The following HSD17B3 variants were observed in gnomAD, a reference collection of about 807,000 sequenced individuals.
HSD17B3 encodes 17-beta-hydroxysteroid dehydrogenase type 3.
A neutral mutation model predicts 41.1 loss-of-function variants in HSD17B3; 29 were observed. The ratio of observed to expected loss-of-function variants is 0.71; its 90% CI spans 0.53 to 0.96. The LOEUF is 0.96. HSD17B3 is among the 40% of genes least tolerant of loss of function. HSD17B3 has a pLI of 0.00. For missense variants in HSD17B3, 323 were observed against 374.6 expected, an observed-to-expected ratio of 0.86 and a Z score of 1.14; for synonymous variants, 126 against 145.6, an observed-to-expected ratio of 0.87 and a Z score of 0.97.
At chr9:96,279,729 T>C (rs896141635) in intron 2 of HSD17B3, among the ~76,000 whole-genome samples, 1 of 152,060 alleles carries the variant, frequency 6.6e-6, no homozygotes, top group South Asian at 2.1e-4. Flanking sequence ...GGGCCTGCTG[T>C]CTGTGATGTT....
chr9:96,291,689 G>T lies in HSD17B3; in HGVS notation c.201+6727C>A, dbSNP rs187369158. On this transcript the variant is annotated intron_variant, in intron 2 of 10. Transcript: ENST00000375263. ...ATGCTTCAGTAGGCTGGGTGATGTGGCTCATGCCTGTAATCCCAGCACTTT... is the reference window on the plus strand; with the variant it reads ...ATGCTTCAGTAGGCTGGGTGATGTGTCTCATGCCTGTAATCCCAGCACTTT... Among the ~76,000 whole-genome samples, 452 of 152,320 alleles carry T rather than the reference G, an allele frequency of 3.0e-3. 1 individual carries two copies. Among genetic ancestry groups the T allele is most frequent in the African/African-American group, 0.01 (433 of 41,572 alleles).
Position 96,252,921 on chromosome 9 carries a change from G to A in HSD17B3, c.278-11C>T. ...TCCCTGTAGTCCGCTCTACACGAGA[G>A]ACAACAGTTTTTTTAATGAACAGGG... On this transcript the variant is annotated splice_polypyrimidine_tract_variant and intron_variant, in intron 3 of 10. Coordinates refer to ENST00000375263, the MANE Select transcript of HSD17B3 (RefSeq NM_000197.2). 1 of 1,563,722 alleles carries A rather than the reference G, an allele frequency of 6.4e-7. No individual in the cohort carries two copies. The highest frequency in any genetic ancestry group is 8.8e-7 in the Non-Finnish European group (1 of 1,134,396).
intron 2 of HSD17B3, among the ~76,000 whole-genome samples, chr9:96,292,962 G>GA (rs1827210151): frequency 2.6e-5 from 4 of 152,170 alleles, no homozygotes; most frequent in Admixed American, 2.0e-4. Flanking sequence ...GAATGAAGGG[G>GA]AAATGAAGCC....
At chr9:96,251,227 C>T (rs376652243) in intron 5 of HSD17B3, 191 bp downstream of exon 5, 4 of 606,186 alleles carry the variant, frequency 6.6e-6, no homozygotes, top group South Asian at 2.0e-5. Flanking sequence ...CTAGAGATAT[C>T]GTGAAAAGTG....
At chr9:96,301,345 G>GTAA (rs1827593090) in intron 1 of HSD17B3, among the ~76,000 whole-genome samples, 1 of 148,846 alleles carries the variant, frequency 6.7e-6, no homozygotes, top group Admixed American at 6.7e-5. Context: ...TGGGGAGGCC[G>GTAA]AGTCGGGTGA....
At chr9:96,238,288 A>G (rs539530843) in intron 10 of HSD17B3, among the ~76,000 whole-genome samples, 11 of 152,290 alleles carry the variant, frequency 7.2e-5, no homozygotes, top group African/African-American at 2.4e-4. Flanking sequence ...GACTAAGGTC[A>G]CAGTGTCCTC....
intron 2 of HSD17B3, among the ~76,000 whole-genome samples, chr9:96,284,215 T>TAAAA (rs569621446): frequency 0.17 from 16,465 of 99,706 alleles, 1,489 homozygotes; most frequent in Non-Finnish European, 0.24. Context: ...GACTCCATCT[T>TAAAA]AAAAAAAAAA....
intron 2 of HSD17B3, among the ~76,000 whole-genome samples, chr9:96,262,312 C>T (rs1400911647): frequency 7.7e-6 from 1 of 130,440 alleles, no homozygotes; most frequent in African/African-American, 2.9e-5. Flanking sequence ...GGCACAATCT[C>T]GGCTCACTGC....
chr9:96,245,470 C>T (rs755090705), intron 7 of HSD17B3, 44 bp from the exon 8 acceptor site: 2 of 1,449,636 alleles, frequency 1.4e-6, no homozygotes, highest in South Asian at 1.1e-5. Context: ...TGTTGCCCTA[C>T]CTGACCTTGA....
intron 2 of HSD17B3, among the ~76,000 whole-genome samples, chr9:96,282,397 A>T (rs1826734006): frequency 6.6e-6 from 1 of 152,242 alleles, no homozygotes; most frequent in South Asian, 2.1e-4. Context: ...AGATAGTTTT[A>T]AAAATATTGG....
intron 2 of HSD17B3, among the ~76,000 whole-genome samples, chr9:96,292,063 T>C (rs994115744): frequency 2.0e-5 from 3 of 151,584 alleles, no homozygotes; most frequent in Non-Finnish European, 4.4e-5. Context: ...AAGAACCACA[T>C]GAAAATACTT....
intron 1 of HSD17B3, 124 bp from the exon 2 acceptor site, chr9:96,298,586 G>C (rs1827452606): frequency 1.2e-6 from 1 of 818,932 alleles, no homozygotes; most frequent in East Asian, 2.4e-5. Context: ...TCATCCCTTT[G>C]CTCTCCAGCC....
intron 2 of HSD17B3, among the ~76,000 whole-genome samples, chr9:96,263,961 A>G (rs1356809354): frequency 6.6e-6 from 1 of 152,142 alleles, no homozygotes; most frequent in Non-Finnish European, 1.5e-5. Context: ...AATGTTTCAT[A>G]TTCTTTAAAA....
intron 2 of HSD17B3, among the ~76,000 whole-genome samples, chr9:96,292,992 C>T (rs1303971531): frequency 6.6e-6 from 1 of 152,046 alleles, no homozygotes; most frequent in African/African-American, 2.4e-5. Flanking sequence ...TGAAGAAAAA[C>T]TAAGATAATT....
At chr9:96,282,183 G>C (rs191071067) in intron 2 of HSD17B3, among the ~76,000 whole-genome samples, 2 of 152,210 alleles carry the variant, frequency 1.3e-5, no homozygotes, top group Admixed American at 1.3e-4. Context: ...CAGAATGGTG[G>C]CCTGGGTTCA....
intron 2 of HSD17B3, among the ~76,000 whole-genome samples, chr9:96,282,256 C>T (rs558853039): frequency 5.3e-5 from 8 of 151,804 alleles, no homozygotes; most frequent in East Asian, 3.9e-4. Context: ...ATATATGTTG[C>T]ATATGTGATA....
intron 2 of HSD17B3, among the ~76,000 whole-genome samples, chr9:96,268,713 C>G (rs1251180978): frequency 6.6e-6 from 1 of 152,130 alleles, no homozygotes. Context: ...CTTTGGGAAG[C>G]CGAGGTGGGC....
At chr9:96,262,229 C>CTTTTTTTTTT (rs71368240) in intron 2 of HSD17B3, among the ~76,000 whole-genome samples, 2 of 54,202 alleles carry the variant, frequency 3.7e-5, no homozygotes, top group African/African-American at 8.0e-5. Flanking sequence ...ATGTCAATTG[C>CTTTTTTTTTT]TTTTTTTTTT....
chr9:96,240,661 A>C (rs1836402269), intron 10 of HSD17B3, 97 bp downstream of exon 10: 1 of 1,222,824 alleles, frequency 8.2e-7, no homozygotes. Flanking sequence ...CGCATCAATG[A>C]GTGCTCCAGC....
Sources: allele counts gnomAD v4.1 joint callset (sites outside exome capture counted in the v4.1 genomes callset), GRCh38; gene constraint gnomAD v4.1.1; transcripts MANE v1.5; gene names NCBI Gene and HGNC (gene_info 2026-07-23, HGNC 2026-07-21).